Variants in NRXN3 observed in about 807,000 individuals in gnomAD.
NRXN3 encodes the protein neurexin III.
In NRXN3, 32 loss-of-function variants were observed where a neutral mutation model predicts 137.6. The ratio of observed to expected loss-of-function variants is 0.23; its 90% CI spans 0.18 to 0.31. The LOEUF is 0.31. Among genes scored for constraint, NRXN3 ranks in the 10% least tolerant of loss-of-function variants. The probability of loss-of-function intolerance (pLI) is 1.00; values close to 1 mark genes in which losing one functional copy is unlikely to be tolerated. For synonymous variants in NRXN3, 798 were observed against 784.5 expected (o/e 1.02, Z -0.29); for missense variants, 1,574 against 2,062.5 (o/e 0.76, Z 4.59).
intron 4 of NRXN3, among the ~76,000 whole-genome samples, chr14:78,503,490 C>T (rs1399657324): frequency 2.0e-5 from 3 of 152,232 alleles, no homozygotes; most frequent in Middle Eastern, 3.4e-3. Context: ...CAGCTGGGAT[C>T]GTGATCTTCA....
At chr14:78,372,388 G>C (rs2087013356) in intron 4 of NRXN3, among the ~76,000 whole-genome samples, 1 of 151,818 alleles carries the variant, frequency 6.6e-6, no homozygotes, top group African/African-American at 2.4e-5. Flanking sequence ...GCCCAGGCTG[G>C]AGTGCAGTTC....
intron 8 of NRXN3, among the ~76,000 whole-genome samples, chr14:78,779,490 A>G (rs1415773796): frequency 1.3e-5 from 2 of 152,122 alleles, no homozygotes; most frequent in Non-Finnish European, 2.9e-5. Flanking sequence ...TAGCCAATGG[A>G]GTAAGACAAA....
chr14:79,440,818 AT>A (rs1311345442), intron 15 of NRXN3, among the ~76,000 whole-genome samples: 1 of 152,162 alleles, frequency 6.6e-6, no homozygotes, highest in Non-Finnish European at 1.5e-5. Context: ...TAATATATTT[AT>A]TGGGTAAATT....
rs996905861 is a variant in NRXN3, at chr14:78,922,727, A to G, written c.2276-34515A>G. ...GGAGGGGAGCAGGGGGAGGGAGAGC[A>G]TCAGGATAAATAGCTAATGCATGTG... On this transcript the variant is annotated intron_variant, in intron 10 of 20. Transcript: ENST00000335750. 4.6e-5 allele frequency among the ~76,000 whole-genome samples: 7 copies of G among 152,314 alleles called. No homozygotes were observed. In the East Asian group the frequency reaches 1.2e-3, roughly 25 times the overall value.
In NRXN3 at chr14:79,293,417, AT is replaced by A. The variant is rs79170043; in HGVS notation, c.3263-173799del. Among the ~76,000 whole-genome samples, 1,162 of 152,320 alleles carry A rather than the reference AT, an allele frequency of 7.6e-3. 23 individuals carry two copies. In the South Asian group the frequency reaches 0.078, roughly 10 times the overall value. ...TTTAGAAGCCCTTTTCAATCAAGTT[AT>A]TTTTCATGTGAAAAAGCTAATAGAC... is the stretch of plus-strand genomic sequence containing the variant. On this transcript the variant is annotated intron_variant, in intron 15 of 20. Transcript: ENST00000335750.
At chr14:78,489,285 T>C (rs1407211932) in intron 4 of NRXN3, among the ~76,000 whole-genome samples, 1 of 152,206 alleles carries the variant, frequency 6.6e-6, no homozygotes, top group African/African-American at 2.4e-5. Context: ...TTATTTGCTG[T>C]CAGGTTGTTC....
chr14:79,519,799 G>T, intron 16 of NRXN3, among the ~76,000 whole-genome samples: 3 of 132,996 alleles, frequency 2.3e-5, no homozygotes. Context: ...AAAAGTTGCA[G>T]TTTTCTTTTT....
chr14:79,255,945 G>T (rs1199314367), intron 15 of NRXN3, among the ~76,000 whole-genome samples: 1 of 152,158 alleles, frequency 6.6e-6, no homozygotes, highest in East Asian at 1.9e-4. Flanking sequence ...TTTGCCATGG[G>T]AGGCTGGGAA....
chr14:79,820,606 A>T (rs1284509919), intron 20 of NRXN3, among the ~76,000 whole-genome samples: 1 of 152,166 alleles, frequency 6.6e-6, no homozygotes, highest in Non-Finnish European at 1.5e-5. Context: ...TCATTTGATC[A>T]TCTAGGTATT....
At chr14:79,260,503 G>A (rs796741402) in intron 15 of NRXN3, among the ~76,000 whole-genome samples, 3 of 152,220 alleles carry the variant, frequency 2.0e-5, no homozygotes, top group African/African-American at 4.8e-5. Flanking sequence ...ACCCCCATCC[G>A]CACAGCCACC....
intron 15 of NRXN3, among the ~76,000 whole-genome samples, chr14:79,380,837 G>C (rs560214323): frequency 6.6e-6 from 1 of 152,072 alleles, no homozygotes; most frequent in African/African-American, 2.4e-5. Flanking sequence ...TCAGTGTGGC[G>C]ATTCCTCAGG....
intron 4 of NRXN3, among the ~76,000 whole-genome samples, chr14:78,463,406 T>C (rs1055030451): frequency 6.6e-6 from 1 of 151,952 alleles, no homozygotes; most frequent in African/African-American, 2.4e-5. Flanking sequence ...CTCCTTTGGG[T>C]AGATACCCAG....
chr14:79,052,501 C>A (rs546014445), intron 15 of NRXN3, among the ~76,000 whole-genome samples: 17 of 152,290 alleles, frequency 1.1e-4, no homozygotes, highest in Non-Finnish European at 1.0e-4. Context: ...GGGATACATC[C>A]TGCACTAGCC....
chr14:79,846,468 G>T (rs921275403), intron 20 of NRXN3, among the ~76,000 whole-genome samples: 1 of 152,122 alleles, frequency 6.6e-6, no homozygotes, highest in African/African-American at 2.4e-5. Context: ...ACTTAGAATG[G>T]TATTTCTGCA....
chr14:79,460,102 C>G (rs2096310559), intron 15 of NRXN3, among the ~76,000 whole-genome samples: 1 of 152,094 alleles, frequency 6.6e-6, no homozygotes. Flanking sequence ...CAAAACTCAT[C>G]AGTGTGTCCA....
At chr14:78,922,339 A>G (rs1222999826) in intron 10 of NRXN3, among the ~76,000 whole-genome samples, 1 of 152,236 alleles carries the variant, frequency 6.6e-6, no homozygotes, top group Non-Finnish European at 1.5e-5. Flanking sequence ...AATTAGGTAT[A>G]GAATATAGTT....
intron 15 of NRXN3, among the ~76,000 whole-genome samples, chr14:79,234,897 G>T (rs1020199990): frequency 3.9e-5 from 6 of 152,046 alleles, no homozygotes; most frequent in African/African-American, 1.4e-4. Context: ...AAAAATCTAG[G>T]TTGGGGAAAT....
chr14:79,096,110 CTTT>C (rs58994977), intron 15 of NRXN3, among the ~76,000 whole-genome samples: 1 of 144,652 alleles, frequency 6.9e-6, no homozygotes. Flanking sequence ...TTATTCTATT[CTTT>C]TTTTTTTTTG....
chr14:79,486,871 C>T (rs2096660025), intron 16 of NRXN3, among the ~76,000 whole-genome samples: 1 of 150,712 alleles, frequency 6.6e-6, no homozygotes, highest in African/African-American at 2.5e-5. Flanking sequence ...CCTAAGTAAT[C>T]TCTACTCTTT....
Sources: allele counts gnomAD v4.1 joint callset (sites outside exome capture counted in the v4.1 genomes callset), GRCh38; gene constraint gnomAD v4.1.1; transcripts MANE v1.5; gene names NCBI Gene and HGNC (gene_info 2026-07-23, HGNC 2026-07-21).